The following PCDHGB5 variants were observed in gnomAD, a reference collection of about 807,000 sequenced individuals.
PCDHGB5 encodes the protein protocadherin gamma-B5.
In PCDHGB5, 48 loss-of-function variants were observed where a neutral mutation model predicts 62.9. The observed-to-expected ratio is 0.76, with a 90% CI of 0.61 to 0.97. The LOEUF is 0.97. Ranked by LOEUF, PCDHGB5 falls within the 50% of genes least tolerant of loss-of-function variation. The pLI, the probability that PCDHGB5 is intolerant of heterozygous loss-of-function variation, is 0.00. For missense variants in PCDHGB5, 1,118 were observed against 1,198.6 expected, an observed-to-expected ratio of 0.93 and a Z score of 0.99; for synonymous variants, 474 against 511.2, an observed-to-expected ratio of 0.93 and a Z score of 0.98.
intron 1 of PCDHGB5, among the ~76,000 whole-genome samples, chr5:141,466,724 A>G (rs2099128017): frequency 6.6e-6 from 1 of 152,148 alleles, no homozygotes. Flanking sequence ...TTTCCATTTT[A>G]GCAGAATTCA....
intron 1 of PCDHGB5, among the ~76,000 whole-genome samples, chr5:141,474,075 C>T (rs2099339724): frequency 6.6e-6 from 1 of 151,902 alleles, no homozygotes; most frequent in African/African-American, 2.4e-5. Flanking sequence ...GCCTCAGAAA[C>T]AAAAACCAAA....
At chr5:141,446,143 T>G (rs2098490523) in intron 1 of PCDHGB5, among the ~76,000 whole-genome samples, 1 of 152,204 alleles carries the variant, frequency 6.6e-6, no homozygotes, top group Admixed American at 6.5e-5. Flanking sequence ...AATAATGGAA[T>G]AGGTGGAATA....
chr5:141,408,540 C>G (rs201370009), intron 1 of PCDHGB5: 4 of 1,613,928 alleles, frequency 2.5e-6, no homozygotes, highest in Non-Finnish European at 3.4e-6. Flanking sequence ...GTGGAAAATC[C>G]TTTAAATATT....
Position 141,476,715 on chromosome 5 carries a change from G to C in PCDHGB5, c.2398-18092G>C. 6.2e-7 allele frequency: 1 copy of C among 1,614,168 alleles called. No individual in the cohort carries two copies. The highest frequency in any genetic ancestry group is 8.5e-7 in the Non-Finnish European group (1 of 1,180,030). On this transcript the variant is annotated intron_variant, in intron 1 of 3. Transcript: ENST00000617380. The surrounding 1 kb of genome is among the most constrained non-coding windows in gnomAD (Gnocchi z 7.6). ...AAGTACGCGGAGCTGGTGTTGGAGC[G>C]CGCCCTGGACCGAGAACGGGAGCCT...
intron 1 of PCDHGB5, among the ~76,000 whole-genome samples, chr5:141,401,205 G>C (rs1479820661): frequency 6.6e-6 from 1 of 152,118 alleles, no homozygotes; most frequent in African/African-American, 2.4e-5. Context: ...AGCTGGGTGT[G>C]GTGGCGGGCG....
At chr5:141,419,407 G>A (rs1426208057) in intron 1 of PCDHGB5, 20 of 1,613,396 alleles carry the variant, frequency 1.2e-5, no homozygotes, top group Non-Finnish European at 1.4e-5. Flanking sequence ...TGGTGTTCGC[G>A]CAGCGCGCCT....
At chr5:141,421,281 C>T in intron 1 of PCDHGB5, 2 of 1,612,970 alleles carry the variant, frequency 1.2e-6, no homozygotes, top group South Asian at 2.2e-5. Flanking sequence ...TGCTGCTGTG[C>T]ATTTTCCTGG....
rs532490777 is a variant in PCDHGB5, at chr5:141,487,782, T to C, written c.2398-7025T>C. 7.2e-6 allele frequency: 11 copies of C among 1,525,744 alleles called. No homozygotes were observed. The South Asian group carries it at 1.2e-4, about 17-fold the overall frequency. The allele number at this position is 1,525,744 out of a possible 1,614,324, so 94.5% of individuals were successfully genotyped here. ...GACGCTGTGCTTTGTAACTGTTTCGTGAATTAACCAGAGTTGTCACAGTTT... is the reference window on the plus strand; with the variant it reads ...GACGCTGTGCTTTGTAACTGTTTCGCGAATTAACCAGAGTTGTCACAGTTT... On this transcript the variant is annotated intron_variant, in intron 1 of 3. Coordinates refer to ENST00000617380, the MANE Select transcript of PCDHGB5 (RefSeq NM_018925.3). This position sits in a 1 kb window ranked among gnomAD's most constrained non-coding sequence, Gnocchi z 5.0.
At chr5:141,484,876 A>C in intron 1 of PCDHGB5, 1 of 315,240 alleles carries the variant, frequency 3.2e-6, no homozygotes, top group Non-Finnish European at 5.8e-6. Flanking sequence ...CGTGGAGGAT[A>C]GGGTGGGCTT....
chr5:141,476,613 G>T lies in PCDHGB5; in HGVS notation c.2398-18194G>T. On this transcript the variant is annotated intron_variant, in intron 1 of 3. Coordinates refer to ENST00000617380, the MANE Select transcript of PCDHGB5 (RefSeq NM_018925.3). The surrounding 1 kb of genome is among the most constrained non-coding windows in gnomAD (Gnocchi z 7.6). ...AGCGCGCACGATCCCGATGTGGGAA[G>T]CAACTCTTTACAAACCTATGAGCTG... 2 of 1,614,266 alleles carry T rather than the reference G, an allele frequency of 1.2e-6. No homozygotes were observed. The highest frequency in any genetic ancestry group is 2.7e-5 in the African/African-American group (2 of 75,078).
chr5:141,427,723 G>A, intron 1 of PCDHGB5: 1 of 1,127,490 alleles, frequency 8.9e-7, no homozygotes, highest in Non-Finnish European at 1.3e-6. Context: ...CTGGACCTAG[G>A]GCTGAATGGC....
At chr5:141,451,762 T>C (rs2154563695) in intron 1 of PCDHGB5, among the ~76,000 whole-genome samples, 1 of 152,100 alleles carries the variant, frequency 6.6e-6, no homozygotes, top group African/African-American at 2.4e-5. Flanking sequence ...ATGCCTATAG[T>C]CCCAGCTACT....
rs143168452 is a variant in PCDHGB5 at position 141,504,127 on chromosome 5, C to T, written c.2457-1266C>T. Among the ~76,000 whole-genome samples the T allele has an allele frequency of 1.3e-3, 195 of 152,220 alleles. 2 individuals carry two copies. The highest frequency in any genetic ancestry group is 4.4e-3 in the African/African-American group (181 of 41,520). On this transcript the variant is annotated intron_variant, in intron 2 of 3. Transcript: ENST00000617380. ...CTGTGTGTGTGCCAGGGCTGTTTCC[C>T]GCCAACACTCCCCTGCAAATTGAAA...
chr5:141,420,313 C>A, intron 1 of PCDHGB5: 1 of 1,434,874 alleles, frequency 7.0e-7, no homozygotes, highest in Non-Finnish European at 9.4e-7. Flanking sequence ...TTTTATATTA[C>A]AATATGCCAA....
Position 141,490,672 on chromosome 5 carries a change from G to T in PCDHGB5, c.2398-4135G>T. The T allele has an allele frequency of 6.2e-7, 1 of 1,614,114 alleles. No homozygotes were observed. Among genetic ancestry groups the T allele is most frequent in the Non-Finnish European group, 8.5e-7 (1 of 1,179,996 alleles). ...GGGCTCCCTTCTTTGCACTGTGGCT[G>T]CCTCAGATCCAGACACTGGGGATAA... On this transcript the variant is annotated intron_variant, in intron 1 of 3. Coordinates refer to ENST00000617380, the MANE Select transcript of PCDHGB5 (RefSeq NM_018925.3). The surrounding 1 kb of genome is among the most constrained non-coding windows in gnomAD (Gnocchi z 5.4).
At chr5:141,451,180 T>C (rs1318435826) in intron 1 of PCDHGB5, among the ~76,000 whole-genome samples, 4 of 152,180 alleles carry the variant, frequency 2.6e-5, no homozygotes, top group Non-Finnish European at 4.4e-5. Flanking sequence ...ATTTAGCCAT[T>C]GCTGTGTAAC....
At chr5:141,448,887 G>T (rs1160586933) in intron 1 of PCDHGB5, among the ~76,000 whole-genome samples, 1 of 152,172 alleles carries the variant, frequency 6.6e-6, no homozygotes, top group East Asian at 1.9e-4. Flanking sequence ...GGAGCTTGCA[G>T]TGAGCCGAGA....
At chr5:141,405,667 G>A (rs911046478) in intron 1 of PCDHGB5, among the ~76,000 whole-genome samples, 10 of 152,044 alleles carry the variant, frequency 6.6e-5, no homozygotes, top group Non-Finnish European at 7.4e-5. Flanking sequence ...TAGTAGAGAC[G>A]GGGTGTCACC....
At chr5:141,430,946 G>A (rs2097328634) in intron 1 of PCDHGB5, 1 of 1,609,494 alleles carries the variant, frequency 6.2e-7, no homozygotes, top group Non-Finnish European at 8.5e-7. Flanking sequence ...CGCGGAGCGC[G>A]GAGTCCGCAT....
Sources: allele counts gnomAD v4.1 joint callset (sites outside exome capture counted in the v4.1 genomes callset), GRCh38; gene constraint gnomAD v4.1.1; non-coding constraint Gnocchi (gnomAD v3.1); transcripts MANE v1.5; gene names NCBI Gene and HGNC (gene_info 2026-07-23, HGNC 2026-07-21).